JAM3: variants seen among roughly 807,000 people sequenced by gnomAD.
JAM3 encodes junctional adhesion molecule C.
In JAM3, 31 loss-of-function variants were observed where a neutral mutation model predicts 39.4. That is an observed-to-expected ratio of 0.79 (90% CI 0.59 to 1.06). The LOEUF (loss-of-function observed/expected upper bound fraction) is 1.06. Among genes scored for constraint, JAM3 ranks in the 50% least tolerant of loss-of-function variants. The pLI, the probability that JAM3 is intolerant of heterozygous loss-of-function variation, is 0.00. For synonymous variants in JAM3, 182 were observed against 148.7 expected (o/e 1.22, Z -1.63); for missense variants, 455 against 391.4 (o/e 1.16, Z -1.37).
At chr11:134,080,785 AG>A (rs1297081513) in intron 1 of JAM3, among the ~76,000 whole-genome samples, 1 of 152,200 alleles carries the variant, frequency 6.6e-6, no homozygotes, top group African/African-American at 2.4e-5. Context: ...AATGTGGAAG[AG>A]ACTTTGGAAC....
At chr11:134,140,948 A>G (rs902986814) in intron 3 of JAM3, among the ~76,000 whole-genome samples, 178 bp downstream of exon 3, 4 of 151,954 alleles carry the variant, frequency 2.6e-5, no homozygotes, top group Non-Finnish European at 5.9e-5. Flanking sequence ...AGTAATGCAA[A>G]TGGTATATCA....
intron 1 of JAM3, among the ~76,000 whole-genome samples, chr11:134,122,755 G>A (rs1372012274): frequency 6.6e-6 from 1 of 152,174 alleles, no homozygotes; most frequent in African/African-American, 2.4e-5. Flanking sequence ...ATGTGAATTC[G>A]CTGCTATTTC....
In JAM3 at chr11:134,149,880, C is replaced by T. The variant is rs954270318; in HGVS notation, c.*699C>T. 4.1e-6 allele frequency: 1 copy of T among 241,478 alleles called. No individual in the cohort carries two copies. Among genetic ancestry groups the T allele is most frequent in the African/African-American group, 2.3e-5 (1 of 43,568 alleles). The allele number at this position is 241,478 out of a possible 1,614,324, so 15.0% of individuals were successfully genotyped here. A position where few individuals can be genotyped will look rare whatever the true frequency, so the allele number is the denominator to read the frequency against. On this transcript the variant is annotated 3_prime_UTR_variant, in exon 9 of 9. Coordinates refer to ENST00000299106, the MANE Select transcript of JAM3 (RefSeq NM_032801.5). ...GTCTTAGGCTAAGTCTGAAATGGTA[C>T]TGAAATATGCTTTTCTATGGGTCTT...
chr11:134,141,614 G>C (rs1054753038), intron 3 of JAM3, among the ~76,000 whole-genome samples: 1 of 152,152 alleles, frequency 6.6e-6, no homozygotes, highest in South Asian at 2.1e-4. Context: ...GTAGAGAAGA[G>C]ATTGGAGGCG....
intron 1 of JAM3, among the ~76,000 whole-genome samples, chr11:134,107,930 G>C (rs1162951347): frequency 6.6e-6 from 1 of 151,786 alleles, no homozygotes; most frequent in Non-Finnish European, 1.5e-5. Flanking sequence ...AAAGTAAGCA[G>C]AATAAAGAAG....
intron 1 of JAM3, among the ~76,000 whole-genome samples, chr11:134,133,800 C>A (rs571628954): frequency 6.6e-6 from 1 of 152,264 alleles, no homozygotes; most frequent in African/African-American, 2.4e-5. Flanking sequence ...CACCACAACA[C>A]TAAAGCCTTG....
chr11:134,149,412 G>A lies in JAM3; in HGVS notation c.*231G>A. 2 of 615,790 alleles carry A rather than the reference G, an allele frequency of 3.2e-6. No individual in the cohort carries two copies. The highest frequency in any genetic ancestry group is 5.8e-6 in the Non-Finnish European group (2 of 344,596). 38.1% of individuals were successfully genotyped at this position (615,790 alleles called of 1,614,324 possible). ...ATATAACCACAAGGAAGCGAAACTG[G>A]GTGCGTTCACTGAGTTGGGTTCCTA... On this transcript the variant is annotated 3_prime_UTR_variant, in exon 9 of 9. Transcript: ENST00000299106.
chr11:134,088,283 G>A (rs1292838245), intron 1 of JAM3, among the ~76,000 whole-genome samples: 6 of 152,120 alleles, frequency 3.9e-5, no homozygotes, highest in Non-Finnish European at 8.8e-5. Flanking sequence ...ATTTACCAAT[G>A]ATGTATTACC....
At chr11:134,107,441 C>G (rs960511660) in intron 1 of JAM3, among the ~76,000 whole-genome samples, 7 of 151,950 alleles carry the variant, frequency 4.6e-5, no homozygotes, top group Non-Finnish European at 8.8e-5. Flanking sequence ...TGTAACAAAC[C>G]TGCACGTTGT....
chr11:134,094,333 A>G (rs1294090128), intron 1 of JAM3, among the ~76,000 whole-genome samples: 1 of 144,272 alleles, frequency 6.9e-6, no homozygotes, highest in Non-Finnish European at 1.5e-5. Context: ...CTTACATCTT[A>G]TTCATCATGT....
At chr11:134,129,125 T>C (rs1942712783) in intron 1 of JAM3, among the ~76,000 whole-genome samples, 1 of 126,460 alleles carries the variant, frequency 7.9e-6, no homozygotes. Context: ...TCAAGTTCTT[T>C]TTTTTTTTTT....
chr11:134,083,264 G>A (rs1041621999), intron 1 of JAM3, among the ~76,000 whole-genome samples: 36 of 152,106 alleles, frequency 2.4e-4, no homozygotes, highest in Admixed American at 2.1e-3. Flanking sequence ...ATCTACCTCC[G>A]GTGTCCATTT....
At chr11:134,140,884 C>CTT in intron 3 of JAM3, 114 bp downstream of exon 3, 2 of 1,303,258 alleles carry the variant, frequency 1.5e-6, no homozygotes, top group Non-Finnish European at 2.1e-6. Flanking sequence ...TAGCTAGGAC[C>CTT]GTTTTTTTTT....
Position 134,127,016 on chromosome 11 carries a change from C to T in JAM3, c.77-12835C>T, listed in dbSNP as rs542020375. Among the ~76,000 whole-genome samples the T allele has an allele frequency of 3.9e-5, 6 of 152,340 alleles. No homozygotes were observed. The South Asian group carries it at 6.2e-4, about 16-fold the overall frequency. ...AGATTATAGAGAAGGAATTATCAAACTATTATCTCTTGCCACATTTCTGGT... is the reference window on the plus strand; with the variant it reads ...AGATTATAGAGAAGGAATTATCAAATTATTATCTCTTGCCACATTTCTGGT... On this transcript the variant is annotated intron_variant, in intron 1 of 8. Coordinates refer to ENST00000299106, the MANE Select transcript of JAM3 (RefSeq NM_032801.5).
At chr11:134,096,034 T>C (rs1941975994) in intron 1 of JAM3, among the ~76,000 whole-genome samples, 2 of 152,302 alleles carry the variant, frequency 1.3e-5, no homozygotes, top group South Asian at 4.1e-4. Context: ...TAGAGTGCAG[T>C]AGTGCGATCT....
At chr11:134,138,699 A>C (rs1942918600) in intron 1 of JAM3, among the ~76,000 whole-genome samples, 1 of 152,242 alleles carries the variant, frequency 6.6e-6, no homozygotes, top group Admixed American at 6.5e-5. Flanking sequence ...CATTATCTTC[A>C]CTTGTCCTTT....
chr11:134,103,943 C>T (rs902587785), intron 1 of JAM3, among the ~76,000 whole-genome samples: 6 of 152,030 alleles, frequency 3.9e-5, no homozygotes, highest in Non-Finnish European at 7.4e-5. Context: ...CAACATTAGA[C>T]AGATCAACGA....
At chr11:134,146,962 T>G (rs1252211346) in intron 6 of JAM3, among the ~76,000 whole-genome samples, 1 of 152,210 alleles carries the variant, frequency 6.6e-6, no homozygotes, top group Non-Finnish European at 1.5e-5. Flanking sequence ...TTGGGACCAC[T>G]GTTTCACATA....
At chr11:134,129,515 A>G (rs1942723294) in intron 1 of JAM3, among the ~76,000 whole-genome samples, 1 of 152,100 alleles carries the variant, frequency 6.6e-6, no homozygotes, top group African/African-American at 2.4e-5. Flanking sequence ...TAAAGCCTTT[A>G]AATTTGAAAC....
Sources: gnomAD v4.1 joint callset for allele counts (sites outside exome capture counted in the v4.1 genomes callset) on GRCh38, gnomAD v4.1.1 for gene constraint, MANE v1.5 for transcripts, NCBI Gene and HGNC (gene_info 2026-07-23, HGNC 2026-07-21) for gene names.